The following PPP1CC variants were observed in gnomAD, a reference collection of about 807,000 sequenced individuals.
The protein encoded by PPP1CC is serine/threonine-protein phosphatase PP1-gamma catalytic subunit.
In PPP1CC, 16 loss-of-function variants were observed where a neutral mutation model predicts 38.4. The ratio of observed to expected loss-of-function variants is 0.42; its 90% CI spans 0.28 to 0.63. PPP1CC has a LOEUF of 0.63. Ranked by LOEUF, PPP1CC falls within the 30% of genes least tolerant of loss-of-function variation. The pLI is 0.25. For missense variants in PPP1CC, 170 were observed against 391.3 expected, an observed-to-expected ratio of 0.43 and a Z score of 4.77; for synonymous variants, 158 against 136.0, an observed-to-expected ratio of 1.16 and a Z score of -1.13.
rs781366459 is a variant in PPP1CC, at chr12:110,720,759, A to C, written c.*317T>G. ...TTTACATGATTATGGGTTGTACTGA[A>C]TTAAAAAAGATCAATTGTACACTTA... is the stretch of plus-strand genomic sequence containing the variant. On this transcript the variant is annotated 3_prime_UTR_variant, in exon 7 of 7. Transcript: ENST00000335007. 1.1e-4 allele frequency: 25 copies of C among 235,898 alleles called. No homozygotes were observed. The highest frequency in any genetic ancestry group is 1.7e-4 in the Non-Finnish European group (21 of 120,272). The allele number at this position is 235,898 out of a possible 1,614,324, so 14.6% of individuals were successfully genotyped here. A position where few individuals can be genotyped will look rare whatever the true frequency, so the allele number is the denominator to read the frequency against.
At chr12:110,741,567 A>G (rs996052179) in intron 1 of PPP1CC, among the ~76,000 whole-genome samples, 6 of 152,180 alleles carry the variant, frequency 3.9e-5, no homozygotes, top group African/African-American at 1.2e-4. Flanking sequence ...CCTCTCCCAC[A>G]TCAACATGAA....
Position 110,742,703 on chromosome 12 carries a change from G to C in PPP1CC, c.5C>G (p.Ala2Gly). 2 of 1,447,604 alleles carry C rather than the reference G, an allele frequency of 1.4e-6. No individual in the cohort carries two copies. The highest frequency in any genetic ancestry group is 9.2e-7 in the Non-Finnish European group (1 of 1,089,152). 89.7% of individuals were successfully genotyped at this position (1,447,604 alleles called of 1,614,324 possible). Reference protein sequence around the residue: MADLDKLNIDSI... With the variant: MGDLDKLNIDSI... Reference sequence around the variant, plus strand: ...GTCGATGTTGAGTTTATCTAAATCCGCCATCGCCTTCCCACCGCCGACCCT... The same window carrying C: ...GTCGATGTTGAGTTTATCTAAATCCCCCATCGCCTTCCCACCGCCGACCCT... Residue 2 changes from alanine (A) to glycine (G), a missense_variant, in exon 1 of 7, where the codon GCG (alanine) becomes GGG (glycine). By Grantham distance (60) the Ala-to-Gly change is moderately conservative. Coordinates refer to ENST00000335007, the MANE Select transcript of PPP1CC (RefSeq NM_002710.4).
intron 3 of PPP1CC, 118 bp from the exon 4 acceptor site, chr12:110,724,882 CTA>C (rs529937091): frequency 5.0e-4 from 268 of 537,604 alleles, no homozygotes; most frequent in African/African-American, 4.9e-3. Context: ...GCAAATGAAA[CTA>C]TGTTTTTATT....
chr12:110,722,350 G>A lies in PPP1CC; in HGVS notation c.748-81C>T. 6.4e-7 allele frequency: 1 copy of A among 1,568,626 alleles called. No individual in the cohort carries two copies. The highest frequency in any genetic ancestry group is 8.7e-7 in the Non-Finnish European group (1 of 1,145,080). On this transcript the variant is annotated intron_variant, in intron 5 of 6. Coordinates refer to ENST00000335007, the MANE Select transcript of PPP1CC (RefSeq NM_002710.4). This position sits in a 1 kb window ranked among gnomAD's most constrained non-coding sequence, Gnocchi z 5.4. ...CATGTTTCAGTTTCCCATTGAGCCT[G>A]ATATCTTGTGTTCCAGAAACACTTT...
chr12:110,730,554 G>A lies in PPP1CC; in HGVS notation c.393C>T (p.Asn131=), dbSNP rs747252324. 2 of 1,610,700 alleles carry A rather than the reference G, an allele frequency of 1.2e-6. No homozygotes were observed. The highest frequency in any genetic ancestry group is 2.2e-5 in the East Asian group (1 of 44,874). ...LRGNHECASI[N]RIYGFYDECK... ...ATTCATCATAAAATCCATAAATTCT[G>A]TTGATGCTGGCACATTCATGGTTCC... Residue 131 remains asparagine, a synonymous_variant, in exon 3 of 7, where the codon AAC becomes AAT. Transcript: ENST00000335007.
At chr12:110,710,338 T>C in the PPP1CC span, among the ~76,000 whole-genome samples, 1 of 150,372 alleles carries the variant, frequency 6.7e-6, no homozygotes, top group Non-Finnish European at 1.5e-5. Flanking sequence ...AGGTCAGGAG[T>C]TTGAGCCCAG....
intron 3 of PPP1CC, among the ~76,000 whole-genome samples, 188 bp downstream of exon 3, chr12:110,730,341 A>G (rs1169834436): frequency 6.6e-6 from 1 of 152,238 alleles, no homozygotes; most frequent in Non-Finnish European, 1.5e-5. Flanking sequence ...CCTGGGCAAC[A>G]GAGTGAGACT....
Position 110,722,664 on chromosome 12 carries a change from C to T in PPP1CC, c.555G>A (p.Gln185=). 2 of 1,613,606 alleles carry T rather than the reference C, an allele frequency of 1.2e-6. No homozygotes were observed. The highest frequency in any genetic ancestry group is 1.7e-6 in the Non-Finnish European group (2 of 1,179,960). ...GLSPDLQSME[Q]IRRIMRPTDV... is the part of the protein sequence containing the mutation. ...CAGTTGGTCGCATAATTCGCCGAAT[C>T]TGCTCCATAGATTGAAGATCTGGTG... Residue 185 remains glutamine (Q), a synonymous_variant, in exon 5 of 7, where the codon CAG becomes CAA. Transcript: ENST00000335007. The surrounding 1 kb of genome is among the most constrained non-coding windows in gnomAD (Gnocchi z 5.4).
Position 110,720,501 on chromosome 12 carries a change from T to TACA in PPP1CC, c.*572_*574dup, listed in dbSNP as rs1228172651. Reference sequence around the variant, plus strand: ...GGGAAAAGTGTGCTTTAATTAAATATACATCATACCAGTGATGCTGGCAAG... The same window carrying TACA: ...GGGAAAAGTGTGCTTTAATTAAATATACAACATCATACCAGTGATGCTGGCAAG... On this transcript the variant is annotated 3_prime_UTR_variant, in exon 7 of 7. Transcript: ENST00000335007. 3.0e-6 allele frequency: 1 copy of TACA among 333,710 alleles called. No homozygotes were observed. The highest frequency in any genetic ancestry group is 5.5e-6 in the Non-Finnish European group (1 of 181,248). 20.7% of individuals were successfully genotyped at this position (333,710 alleles called of 1,614,324 possible). A position where few individuals can be genotyped will look rare whatever the true frequency, so the allele number is the denominator to read the frequency against.
chr12:110,727,344 C>T (rs1051971496), intron 3 of PPP1CC, among the ~76,000 whole-genome samples: 8 of 152,176 alleles, frequency 5.3e-5, no homozygotes, highest in African/African-American at 1.9e-4. Context: ...CCTTTTCCCT[C>T]TCAGCACTTT....
At position 110,722,942 on chromosome 12, in the gene PPP1CC, TA is replaced by T. The variant is rs2069756143; in HGVS notation, c.524-248del. On this transcript the variant is annotated intron_variant, in intron 4 of 6. Coordinates refer to ENST00000335007, the MANE Select transcript of PPP1CC (RefSeq NM_002710.4). The surrounding 1 kb of genome is among the most constrained non-coding windows in gnomAD (Gnocchi z 5.4). Reference sequence around the variant, plus strand: ...GGTTTAAACAGTACATGGAAACAATTATATTATACAGAACACTGTAAAATAA... The same window carrying T: ...GGTTTAAACAGTACATGGAAACAATTTATTATACAGAACACTGTAAAATAA... Among the ~76,000 whole-genome samples, 1 of 152,204 alleles carries T rather than the reference TA, an allele frequency of 6.6e-6. No individual in the cohort carries two copies. Among genetic ancestry groups the T allele is most frequent in the Non-Finnish European group, 1.5e-5 (1 of 68,030 alleles).
intron 3 of PPP1CC, among the ~76,000 whole-genome samples, chr12:110,728,486 CT>C (rs1483472914): frequency 6.6e-6 from 1 of 151,882 alleles, no homozygotes; most frequent in Non-Finnish European, 1.5e-5. Context: ...GGTGTGGTGG[CT>C]CATGACTGTA....
chr12:110,742,764 C>T lies in PPP1CC; in HGVS notation c.-57G>A. 4 of 1,301,310 alleles carry T rather than the reference C, an allele frequency of 3.1e-6. No individual in the cohort carries two copies. The highest frequency in any genetic ancestry group is 2.1e-5 in the South Asian group (1 of 47,250). The allele number at this position is 1,301,310 out of a possible 1,614,324, so 80.6% of individuals were successfully genotyped here. Reference sequence around the variant, plus strand: ...CGCCGCCGCCGGCTCGCGCCCGGGACTCACACCTCCTTTCCCACGCCACGA... The same window carrying T: ...CGCCGCCGCCGGCTCGCGCCCGGGATTCACACCTCCTTTCCCACGCCACGA... On this transcript the variant is annotated 5_prime_UTR_variant, in exon 1 of 7. Coordinates refer to ENST00000335007, the MANE Select transcript of PPP1CC (RefSeq NM_002710.4).
At position 110,742,686 on chromosome 12, in the gene PPP1CC, TGA is replaced by T. The variant is rs1566090398; in HGVS notation, c.20_21del (p.Leu7GlnfsTer19). ...AGCCGTTGGATAATGCTGTCGATGT[TGA>T]GTTTATCTAAATCCGCCATCGCCTT... is the stretch of plus-strand genomic sequence containing the variant. MADLDK[L>X]NIDSIIQRLL... On this transcript the variant is annotated frameshift_variant, in exon 1 of 7. Coordinates refer to ENST00000335007, the MANE Select transcript of PPP1CC (RefSeq NM_002710.4). LOFTEE classifies it high-confidence loss of function. 6.8e-7 allele frequency: 1 copy of T among 1,468,648 alleles called. No homozygotes were observed. Among genetic ancestry groups the T allele is most frequent in the Non-Finnish European group, 9.1e-7 (1 of 1,101,758 alleles). 91.0% of individuals were successfully genotyped at this position (1,468,648 alleles called of 1,614,324 possible).
intron 1 of PPP1CC, among the ~76,000 whole-genome samples, chr12:110,741,072 T>A (rs1225835663): frequency 2.0e-5 from 3 of 152,238 alleles, no homozygotes; most frequent in Non-Finnish European, 4.4e-5. Flanking sequence ...AGTATGGTTC[T>A]TATATAAATA....
Position 110,734,644 on chromosome 12 carries a change from A to T in PPP1CC, c.56-2743T>A, listed in dbSNP as rs576693150. 2.0e-5 allele frequency: 3 copies of T among 153,686 alleles called. No homozygotes were observed. The Admixed American group carries it at 2.0e-4, about 10-fold the overall frequency. The allele number at this position is 153,686 out of a possible 1,614,324, so 9.5% of individuals were successfully genotyped here. On this transcript the variant is annotated intron_variant, in intron 1 of 6. Transcript: ENST00000335007. ...GTGTGAGCCACCGTGCCCAGCCCAG[A>T]CTATATACTTTTGATGAGCAAAAAG... is the stretch of plus-strand genomic sequence containing the variant.
intron 1 of PPP1CC, chr12:110,733,129 C>T (rs2069899915): frequency 6.7e-6 from 1 of 150,110 alleles, no homozygotes; most frequent in Admixed American, 6.7e-5. Flanking sequence ...TCTAGACACA[C>T]ATACAGAGTT....
intron 1 of PPP1CC, among the ~76,000 whole-genome samples, chr12:110,737,215 C>T (rs948637852): frequency 2.6e-5 from 4 of 152,104 alleles, no homozygotes; most frequent in Non-Finnish European, 5.9e-5. Context: ...CGGTGTCTAA[C>T]GCCTGTAATC....
intron 1 of PPP1CC, among the ~76,000 whole-genome samples, chr12:110,736,110 AAAC>A (rs1212202182): frequency 3.3e-5 from 5 of 152,116 alleles, no homozygotes; most frequent in South Asian, 2.1e-4. Flanking sequence ...ACAAACAAAC[AAAC>A]AACAACAAAA....
Sources: allele counts gnomAD v4.1 joint callset (sites outside exome capture counted in the v4.1 genomes callset), GRCh38; gene constraint gnomAD v4.1.1; non-coding constraint Gnocchi (gnomAD v3.1); transcripts MANE v1.5; gene names NCBI Gene and HGNC (gene_info 2026-07-23, HGNC 2026-07-21).